The following KIF1A variants were observed in gnomAD, a reference collection of about 807,000 sequenced individuals.
KIF1A encodes the protein kinesin family member 1A.
A neutral mutation model predicts 227.3 loss-of-function variants in KIF1A; 46 were observed. The observed-to-expected ratio is 0.20, with a 90% CI of 0.16 to 0.26. The LOEUF (loss-of-function observed/expected upper bound fraction) is 0.26. KIF1A is among the 10% of genes least tolerant of loss of function. The pLI, the probability that KIF1A is intolerant of heterozygous loss-of-function variation, is 1.00. For missense variants in KIF1A, 1,683 were observed against 2,485.9 expected (o/e 0.68, Z 6.87); for synonymous variants, 1,022 against 1,012.8 (o/e 1.01, Z -0.17).
rs964761344 is a variant in KIF1A at position 240,715,119 on chromosome 2, C to T, written c.*2245G>A. The T allele has an allele frequency of 6.6e-6, 1 of 152,466 alleles. No individual in the cohort carries two copies. Among genetic ancestry groups the T allele is most frequent in the African/African-American group, 2.4e-5 (1 of 41,460 alleles). 9.4% of individuals were successfully genotyped at this position (152,466 alleles called of 1,614,324 possible). On this transcript the variant is annotated 3_prime_UTR_variant, in exon 49 of 49. Coordinates refer to ENST00000498729, the MANE Select transcript of KIF1A (RefSeq NM_001244008.2). ...CTGCCTGGGGCCCGTGGGGCTCCCC[C>T]TCATCTCAGACCAGCGTGTCCTGCC...
chr2:240,787,208 C>A (rs762279069), intron 5 of KIF1A, 43 bp downstream of exon 5: 1 of 1,518,674 alleles, frequency 6.6e-7, no homozygotes, highest in Non-Finnish European at 9.1e-7. Flanking sequence ...ACACCAGATT[C>A]CCAGCCCTGC....
At position 240,808,407 on chromosome 2, in the gene KIF1A, C is replaced by T. The variant is rs763417914; in HGVS notation, c.-60-10595G>A. On this transcript the variant is annotated intron_variant, in intron 1 of 48. Transcript: ENST00000498729. ...GGCACAGTGGCTCACACCTGTAGTC[C>T]CAGCTACCATGGAGGCTGAGGTAGA... Among the ~76,000 whole-genome samples the T allele has an allele frequency of 2.8e-4, 43 of 151,998 alleles. 1 individual carries two copies. Among genetic ancestry groups the T allele is most frequent in the Non-Finnish European group, 4.9e-4 (33 of 68,024 alleles).
chr2:240,820,484 T>TC (rs1273846991), upstream of KIF1A, among the ~76,000 whole-genome samples: 2 of 149,002 alleles, frequency 1.3e-5, no homozygotes, highest in African/African-American at 2.5e-5. This position sits in a 1 kb window ranked among gnomAD's most constrained non-coding sequence, Gnocchi z 6.2. Flanking sequence ...CAGCGTCCCC[T>TC]CCCCCGGCGT....
At position 240,736,570 on chromosome 2, in the gene KIF1A, C is replaced by G; in HGVS notation, c.4007+493G>C. ...TGCGGTCGGGCTGGGACCGCCCAGA[C>G]TGTGGGGTCTTGGCCGTGCAAGGAG... is the stretch of plus-strand genomic sequence containing the variant. On this transcript the variant is annotated intron_variant, in intron 38 of 48. Transcript: ENST00000498729. The surrounding 1 kb of genome is among the most constrained non-coding windows in gnomAD (Gnocchi z 4.7). 6.6e-6 allele frequency among the ~76,000 whole-genome samples: 1 copy of G among 152,234 alleles called. No homozygotes were observed. The highest frequency in any genetic ancestry group is 1.5e-5 in the Non-Finnish European group (1 of 68,044).
intron 1 of KIF1A, among the ~76,000 whole-genome samples, chr2:240,815,124 C>A (rs1482834319): frequency 4.6e-5 from 7 of 152,208 alleles, no homozygotes; most frequent in Non-Finnish European, 2.9e-5. Flanking sequence ...GGGGCCCTGG[C>A]CCCAGAAGCA....
At chr2:240,817,592 G>A (rs2058422173) in intron 1 of KIF1A, among the ~76,000 whole-genome samples, 1 of 152,192 alleles carries the variant, frequency 6.6e-6, no homozygotes, top group Non-Finnish European at 1.5e-5. Flanking sequence ...GCATGTGCAG[G>A]GCTCAGTAAA....
intron 20 of KIF1A, among the ~76,000 whole-genome samples, chr2:240,764,184 C>G (rs1553633952): frequency 2.0e-5 from 3 of 152,200 alleles, no homozygotes; most frequent in Non-Finnish European, 4.4e-5. Context: ...TCTGTCCCCC[C>G]TCAGCACCTC....
At chr2:240,721,764 C>T (rs1164246790) in intron 44 of KIF1A, 43 bp downstream of exon 44, 1 of 1,528,940 alleles carries the variant, frequency 6.5e-7, no homozygotes, top group Non-Finnish European at 8.9e-7. Context: ...CTATGGGAGC[C>T]CGAGCCCTGC....
chr2:240,786,195 C>G, intron 6 of KIF1A, 140 bp downstream of exon 6: 2 of 800,358 alleles, frequency 2.5e-6, no homozygotes, highest in Non-Finnish European at 4.0e-6. Flanking sequence ...CCTAAACGAC[C>G]TCGGGCTCAG....
chr2:240,775,246 G>A lies in KIF1A; in HGVS notation c.958+605C>T, dbSNP rs2052582913. ...TGCACACCTCAGCCATGCGGCTGAG[G>A]GAGGCCAGGGACCCCCAGTCATCTA... On this transcript the variant is annotated intron_variant, in intron 11 of 48. Coordinates refer to ENST00000498729, the MANE Select transcript of KIF1A (RefSeq NM_001244008.2). This position sits in a 1 kb window ranked among gnomAD's most constrained non-coding sequence, Gnocchi z 5.5. Among the ~76,000 whole-genome samples, 1 of 152,186 alleles carries A rather than the reference G, an allele frequency of 6.6e-6. No homozygotes were observed. The highest frequency in any genetic ancestry group is 1.5e-5 in the Non-Finnish European group (1 of 68,030).
At position 240,757,917 on chromosome 2, in the gene KIF1A, C is replaced by T. The variant is rs915437570; in HGVS notation, c.2583-323G>A. Among the ~76,000 whole-genome samples, 8 of 152,188 alleles carry T rather than the reference C, an allele frequency of 5.3e-5. No homozygotes were observed. Among genetic ancestry groups the T allele is most frequent in the African/African-American group, 1.9e-4 (8 of 41,442 alleles). ...GCCACGTTGAGGCCTCAGAATACCACGGTCCCATGGGGTGAAGGGGGCTGG... is the reference window on the plus strand; with the variant it reads ...GCCACGTTGAGGCCTCAGAATACCATGGTCCCATGGGGTGAAGGGGGCTGG... On this transcript the variant is annotated intron_variant, in intron 26 of 48. Transcript: ENST00000498729. This position sits in a 1 kb window ranked among gnomAD's most constrained non-coding sequence, Gnocchi z 6.2.
chr2:240,725,550 C>G lies in KIF1A; in HGVS notation c.4123-146G>C, dbSNP rs1575525789. On this transcript the variant is annotated intron_variant, in intron 39 of 48. Coordinates refer to ENST00000498729, the MANE Select transcript of KIF1A (RefSeq NM_001244008.2). This position sits in a 1 kb window ranked among gnomAD's most constrained non-coding sequence, Gnocchi z 5.8. Reference sequence around the variant, plus strand: ...GCCTCAGGTGTGGCCTGGACGCAGGCAGGAGAAAGTCTCTGCTCCTGCCCT... The same window carrying G: ...GCCTCAGGTGTGGCCTGGACGCAGGGAGGAGAAAGTCTCTGCTCCTGCCCT... 1 of 812,606 alleles carries G rather than the reference C, an allele frequency of 1.2e-6. No individual in the cohort carries two copies. Among genetic ancestry groups the G allele is most frequent in the East Asian group, 2.7e-5 (1 of 36,892 alleles). 50.3% of individuals were successfully genotyped at this position (812,606 alleles called of 1,614,324 possible). A position where few individuals can be genotyped will look rare whatever the true frequency, so the allele number is the denominator to read the frequency against.
In KIF1A at chr2:240,788,216, G is replaced by T. The variant is rs1336875527; in HGVS notation, c.198C>A (p.Asn66Lys). The change falls in exon 4 of 49, where the codon AAC (asparagine) becomes AAA (lysine). Residue 66 changes from asparagine to lysine, a missense_variant. Coordinates refer to ENST00000498729, the MANE Select transcript of KIF1A (RefSeq NM_001244008.2). This position sits in a 1 kb window ranked among gnomAD's most constrained non-coding sequence, Gnocchi z 6.6. ...GGTACACCTGCTTCTGCGACGCGTA[G>T]TTGATGTCCTCAGGCTGGAGGACGA... ...YWSHTSPEDI[N>K]YASQKQVYRD... is the part of the protein sequence containing the mutation. The T allele has an allele frequency of 1.2e-6, 2 of 1,613,692 alleles. No individual in the cohort carries two copies. Among genetic ancestry groups the T allele is most frequent in the African/African-American group, 2.7e-5 (2 of 74,944 alleles).
chr2:240,725,588 A>G lies in KIF1A; in HGVS notation c.4123-184T>C. 1 of 622,628 alleles carries G rather than the reference A, an allele frequency of 1.6e-6. No individual in the cohort carries two copies. Among genetic ancestry groups the G allele is most frequent in the East Asian group, 2.9e-5 (1 of 34,564 alleles). 38.6% of individuals were successfully genotyped at this position (622,628 alleles called of 1,614,324 possible). A position where few individuals can be genotyped will look rare whatever the true frequency, so the allele number is the denominator to read the frequency against. ...CTGCTCCTGCCCTCGAGAAAACCCC[A>G]CTGGGGACAGGTAGCCACAGCTCTG... is the stretch of plus-strand genomic sequence containing the variant. On this transcript the variant is annotated intron_variant, in intron 39 of 48. Coordinates refer to ENST00000498729, the MANE Select transcript of KIF1A (RefSeq NM_001244008.2). This position sits in a 1 kb window ranked among gnomAD's most constrained non-coding sequence, Gnocchi z 5.8.
chr2:240,746,290 G>T, intron 29 of KIF1A, 113 bp from the exon 30 acceptor site: 2 of 1,333,916 alleles, frequency 1.5e-6, no homozygotes, highest in Non-Finnish European at 1.0e-6. Flanking sequence ...CTGGGCTGGG[G>T]CCTCCATGAA....
At position 240,737,091 on chromosome 2, in the gene KIF1A, C is replaced by T. The variant is rs879253904; in HGVS notation, c.3979G>A (p.Gly1327Arg). 15 of 1,613,430 alleles carry T rather than the reference C, an allele frequency of 9.3e-6. No homozygotes were observed. The highest frequency in any genetic ancestry group is 5.0e-5 in the Admixed American group (3 of 60,000). The stretch of plus-strand genomic sequence containing the variant: ...TCATCTTGGGCTGGGTGGATGTATC[C>T]GGAAGAGAGGATGTTGAGAGACAAG... ...NILSLNILSS[G>R]YIHPAQDDRT... Residue 1327 changes from glycine to arginine, a missense_variant, in exon 38 of 49, where the codon GGA becomes AGA. Physicochemically the swap from Gly to Arg is moderately radical, Grantham distance 125. Transcript: ENST00000498729.
rs2125791951 is a variant in KIF1A at position 240,745,892 on chromosome 2, G to A, written c.3220C>T (p.Leu1074Phe). The A allele has an allele frequency of 1.2e-6, 2 of 1,604,700 alleles. No homozygotes were observed. The highest frequency in any genetic ancestry group is 1.7e-6 in the Non-Finnish European group (2 of 1,174,174). Residue 1074 changes from leucine (L) to phenylalanine (F), a missense_variant, in exon 31 of 49, where the codon CTC becomes TTC. Around this residue, in one of 12 missense-constraint regions of KIF1A, gnomAD observed 759 missense variants for 1,020.2 expected, o/e 0.74. Transcript: ENST00000498729. ...NTCSAVPPEG[L>F]LLDSSEKAAL... ...GCTTTCTCAGAGCTGTCTAGGAGGA[G>A]GCCTTCTGGGGGCACTGCTGCTGGG...
intron 1 of KIF1A, chr2:240,798,144 C>T (rs182473052): frequency 9.1e-4 from 170 of 185,940 alleles, no homozygotes; most frequent in African/African-American, 3.2e-3. Flanking sequence ...TGGATGCAGG[C>T]GCTGGTGGGC....
chr2:240,722,344 G>T, intron 43 of KIF1A, 112 bp downstream of exon 43: 2 of 1,017,748 alleles, frequency 2.0e-6, no homozygotes, highest in Non-Finnish European at 2.9e-6. Context: ...GCTCCTGGTG[G>T]TGCTAACCAG....
Sources: gnomAD v4.1 joint callset for allele counts (sites outside exome capture counted in the v4.1 genomes callset) on GRCh38, gnomAD v4.1.1 for gene constraint, gnomAD v4.1.1 regional missense constraint, Gnocchi (gnomAD v3.1) non-coding constraint, MANE v1.5 for transcripts, NCBI Gene and HGNC (gene_info 2026-07-23, HGNC 2026-07-21) for gene names.